SGCZ: variants seen among roughly 807,000 people sequenced by gnomAD.
SGCZ encodes zeta-sarcoglycan.
A neutral mutation model predicts 41.3 loss-of-function variants in SGCZ; 40 were observed. That is an observed-to-expected ratio of 0.97 (90% CI 0.75 to 1.26). The LOEUF is 1.26. Among genes scored for constraint, SGCZ ranks in the 50% most tolerant of loss-of-function variants. The pLI, the probability that SGCZ is intolerant of heterozygous loss-of-function variation, is 0.00. For synonymous variants in SGCZ, 206 were observed against 137.5 expected (o/e 1.50, Z -3.49); for missense variants, 552 against 369.8 (o/e 1.49, Z -4.04).
intron 4 of SGCZ, among the ~76,000 whole-genome samples, chr8:14,209,116 G>C (rs1056680297): frequency 2.0e-5 from 3 of 152,190 alleles, no homozygotes; most frequent in Non-Finnish European, 4.4e-5. Flanking sequence ...CAGAAAACAC[G>C]GCGCCAGCCA....
chr8:14,366,157 G>C (rs1475358566), intron 2 of SGCZ, among the ~76,000 whole-genome samples: 2 of 152,068 alleles, frequency 1.3e-5, no homozygotes, highest in Non-Finnish European at 2.9e-5. Context: ...GTATTAGTCT[G>C]CTGTCATCTG....
chr8:14,832,888 T>C (rs1201976719), intron 1 of SGCZ, among the ~76,000 whole-genome samples: 1 of 152,170 alleles, frequency 6.6e-6, no homozygotes, highest in Non-Finnish European at 1.5e-5. Flanking sequence ...AGGTAGGTTT[T>C]TTTAACTATA....
At chr8:14,614,918 T>A (rs1316480947) in intron 1 of SGCZ, among the ~76,000 whole-genome samples, 1 of 152,204 alleles carries the variant, frequency 6.6e-6, no homozygotes, top group Non-Finnish European at 1.5e-5. Context: ...ACTTTATATG[T>A]ATATTTTATC....
intron 3 of SGCZ, among the ~76,000 whole-genome samples, chr8:14,313,947 TG>T (rs1801630342): frequency 6.8e-6 from 1 of 147,402 alleles, no homozygotes; most frequent in African/African-American, 2.5e-5. Flanking sequence ...TGTGTGTGTG[TG>T]TGTGTGTTGG....
rs1563339120 is a variant in SGCZ at position 14,886,013 on chromosome 8, AT to A, written c.40-331088del. Among the ~76,000 whole-genome samples the A allele has an allele frequency of 3.6e-4, 43 of 121,064 alleles. 2 individuals carry two copies. The highest frequency in any genetic ancestry group is 1.2e-3 in the African/African-American group (41 of 33,078). 79.4% of individuals were successfully genotyped at this position (121,064 alleles called of 152,430 possible). A position where few individuals can be genotyped will look rare whatever the true frequency, so the allele number is the denominator to read the frequency against. On this transcript the variant is annotated intron_variant, in intron 1 of 7. Transcript: ENST00000382080. ...TATATATATATATATATATATATAT[AT>A]ATATATATATATATATATATAAAAT...
At chr8:15,029,184 G>T (rs1803566379) in intron 1 of SGCZ, among the ~76,000 whole-genome samples, 1 of 152,018 alleles carries the variant, frequency 6.6e-6, no homozygotes, top group Admixed American at 6.5e-5. Flanking sequence ...TACAGCATAA[G>T]AACAGAAAAT....
At chr8:14,146,870 TC>T (rs1803538611) in intron 5 of SGCZ, among the ~76,000 whole-genome samples, 1 of 102,432 alleles carries the variant, frequency 9.8e-6, no homozygotes, top group Non-Finnish European at 1.9e-5. Flanking sequence ...AGACTCCGTC[TC>T]AAAAAATAAA....
intron 1 of SGCZ, among the ~76,000 whole-genome samples, chr8:14,735,517 T>C (rs1420183699): frequency 1.3e-5 from 2 of 152,170 alleles, no homozygotes; most frequent in African/African-American, 4.8e-5. Flanking sequence ...ACTAGTGGTT[T>C]GCTGGGGCCT....
chr8:14,633,725 T>C (rs1477605509), intron 1 of SGCZ, among the ~76,000 whole-genome samples: 2 of 151,840 alleles, frequency 1.3e-5, no homozygotes, highest in Non-Finnish European at 2.9e-5. Flanking sequence ...ATTCAACAAG[T>C]TTAGCCTCCA....
At chr8:14,119,769 G>T (rs936033898) in intron 5 of SGCZ, among the ~76,000 whole-genome samples, 2 of 152,114 alleles carry the variant, frequency 1.3e-5, no homozygotes, top group Non-Finnish European at 2.9e-5. Context: ...TTTTTAGCAT[G>T]AAGTGGTGTT....
intron 2 of SGCZ, among the ~76,000 whole-genome samples, chr8:14,445,280 T>C (rs1800398923): frequency 6.6e-6 from 1 of 152,218 alleles, no homozygotes; most frequent in Admixed American, 6.5e-5. Context: ...CTTTGCCTTC[T>C]CTCTCCCAGT....
chr8:14,217,053 C>T (rs370040052), intron 4 of SGCZ, among the ~76,000 whole-genome samples: 7 of 151,976 alleles, frequency 4.6e-5, no homozygotes, highest in Admixed American at 1.3e-4. Flanking sequence ...TTTGGGAGGC[C>T]GAGGTGGGTG....
At chr8:14,819,606 A>T (rs1456489914) in intron 1 of SGCZ, among the ~76,000 whole-genome samples, 1 of 152,192 alleles carries the variant, frequency 6.6e-6, no homozygotes, top group South Asian at 2.1e-4. Context: ...GTAATGGTGC[A>T]GTGTAAATCT....
At chr8:14,475,218 T>C (rs1801324015) in intron 2 of SGCZ, among the ~76,000 whole-genome samples, 1 of 152,196 alleles carries the variant, frequency 6.6e-6, no homozygotes, top group Non-Finnish European at 1.5e-5. Context: ...TGTATAGTTT[T>C]ATTTGCTTTT....
intron 2 of SGCZ, among the ~76,000 whole-genome samples, chr8:14,511,828 CTTG>C (rs1205153430): frequency 2.6e-5 from 4 of 152,076 alleles, no homozygotes; most frequent in Admixed American, 6.6e-5. Context: ...CTAGGTTAGG[CTTG>C]TTGTTTTTAA....
Position 14,090,647 on chromosome 8 carries a change from A to G in SGCZ, c.745-10T>C, listed in dbSNP as rs1490888951. ...CTGCATTTAAAAATATCTATGGGAA[A>G]AAAGAAATTGCATTTTAATTCATTT... On this transcript the variant is annotated splice_polypyrimidine_tract_variant and intron_variant, in intron 7 of 7. Coordinates refer to ENST00000382080, the MANE Select transcript of SGCZ (RefSeq NM_139167.4). The G allele has an allele frequency of 1.2e-6, 2 of 1,605,488 alleles. No individual in the cohort carries two copies. Among genetic ancestry groups the G allele is most frequent in the South Asian group, 2.2e-5 (2 of 90,212 alleles).
intron 2 of SGCZ, among the ~76,000 whole-genome samples, chr8:14,372,288 T>G (rs1585418396): frequency 6.6e-6 from 1 of 152,182 alleles, no homozygotes; most frequent in South Asian, 2.1e-4. Context: ...TTGAAGGTTT[T>G]ATGGAGAATG....
At chr8:14,593,887 T>C (rs1214157548) in intron 1 of SGCZ, among the ~76,000 whole-genome samples, 4 of 152,014 alleles carry the variant, frequency 2.6e-5, no homozygotes, top group African/African-American at 7.2e-5. Context: ...AATATACAAA[T>C]GGCTAGGGCA....
intron 5 of SGCZ, among the ~76,000 whole-genome samples, chr8:14,150,794 T>A (rs1346902091): frequency 6.6e-6 from 1 of 152,144 alleles, no homozygotes; most frequent in African/African-American, 2.4e-5. Flanking sequence ...AACAGATGAA[T>A]GGATAAAGAA....
Sources: gnomAD v4.1 joint callset for allele counts (sites outside exome capture counted in the v4.1 genomes callset) on GRCh38, gnomAD v4.1.1 for gene constraint, MANE v1.5 for transcripts, NCBI Gene and HGNC (gene_info 2026-07-23, HGNC 2026-07-21) for gene names.